HDAC4: variants seen among roughly 807,000 people sequenced by gnomAD.
HDAC4 encodes histone deacetylase 4.
Under a neutral mutation model 135.1 loss-of-function variants are expected in HDAC4, and 16 were observed. The ratio of observed to expected loss-of-function variants is 0.12; its 90% CI spans 0.08 to 0.18. The LOEUF (loss-of-function observed/expected upper bound fraction) is 0.18, where lower values mean the gene tolerates loss of function less well. Among genes scored for constraint, HDAC4 ranks in the 10% least tolerant of loss-of-function variants. The pLI, the probability that HDAC4 is intolerant of heterozygous loss-of-function variation, is 1.00. For missense variants in HDAC4, 1,143 were observed against 1,511.8 expected (o/e 0.76, Z 4.05); for synonymous variants, 685 against 653.4 (o/e 1.05, Z -0.74).
chr2:239,396,397 ATTAAC>A (rs1696565695), intron 1 of HDAC4, among the ~76,000 whole-genome samples: 1 of 152,198 alleles, frequency 6.6e-6, no homozygotes, highest in African/African-American at 2.4e-5. Context: ...ATTTCCATAC[ATTAAC>A]TTAAACTTTG....
chr2:239,299,725 G>A lies in HDAC4; in HGVS notation c.22+52953C>T, dbSNP rs77598126. 0.015 allele frequency among the ~76,000 whole-genome samples: 2,323 copies of A among 152,312 alleles called. 38 individuals are homozygous for A. Among genetic ancestry groups the A allele is most frequent in the East Asian group, 0.078 (405 of 5,178 alleles). On this transcript the variant is annotated intron_variant, in intron 2 of 26. Coordinates refer to ENST00000543185, the MANE Select transcript of HDAC4 (RefSeq NM_001378414.1). The surrounding 1 kb of genome is among the most constrained non-coding windows in gnomAD (Gnocchi z 4.0). ...CACCTGCACTGGTGGCCTCCCAGCAGCTCTCATAGACCCTGGACCCAGCAC... is the reference window on the plus strand; with the variant it reads ...CACCTGCACTGGTGGCCTCCCAGCAACTCTCATAGACCCTGGACCCAGCAC...
chr2:239,250,013 G>A (rs1032227243), intron 2 of HDAC4, among the ~76,000 whole-genome samples: 1 of 152,126 alleles, frequency 6.6e-6, no homozygotes, highest in African/African-American at 2.4e-5. Context: ...TCTGGAAGGA[G>A]GCCGTGCACA....
intron 4 of HDAC4, among the ~76,000 whole-genome samples, chr2:239,176,989 AT>A (rs2043817172): frequency 6.6e-6 from 1 of 152,144 alleles, no homozygotes; most frequent in Admixed American, 6.5e-5. Context: ...CTAGCTATTT[AT>A]CCGAAACACG....
Position 239,081,254 on chromosome 2 carries a change from C to T in HDAC4, c.2653-62G>A, listed in dbSNP as rs997887256. The T allele has an allele frequency of 3.1e-5, 43 of 1,408,666 alleles. No individual in the cohort carries two copies. The East Asian group carries it at 6.8e-4, about 22-fold the overall frequency. 87.3% of individuals were successfully genotyped at this position (1,408,666 alleles called of 1,614,324 possible). A position where few individuals can be genotyped will look rare whatever the true frequency, so the allele number is the denominator to read the frequency against. ...CCGAGCGGGACCTGTCTGACAGGAA[C>T]GCCTGATGCAGGTGGCACCGGGATG... On this transcript the variant is annotated intron_variant, in intron 21 of 26. Transcript: ENST00000543185.
intron 2 of HDAC4, among the ~76,000 whole-genome samples, chr2:239,279,853 C>CCGG (rs998555733): frequency 6.6e-6 from 1 of 152,240 alleles, no homozygotes; most frequent in Non-Finnish European, 1.5e-5. Flanking sequence ...GGCTTCTCCA[C>CCGG]GCCTTCCCCA....
At chr2:239,079,814 A>G (rs904149940) in intron 22 of HDAC4, among the ~76,000 whole-genome samples, 1 of 151,088 alleles carries the variant, frequency 6.6e-6, no homozygotes, top group African/African-American at 2.4e-5. Context: ...GTGTGTACTC[A>G]TATACAGATG....
rs188133538 is a variant in HDAC4, at chr2:239,321,190, G to A, written c.22+31488C>T. Reference sequence around the variant, plus strand: ...CTTCATAAGATTAGCTTGCAGCCAGGCGCAGTGGCTCACGCCTGTAATCCC... The same window carrying A: ...CTTCATAAGATTAGCTTGCAGCCAGACGCAGTGGCTCACGCCTGTAATCCC... On this transcript the variant is annotated intron_variant, in intron 2 of 26. Coordinates refer to ENST00000543185, the MANE Select transcript of HDAC4 (RefSeq NM_001378414.1). Among the ~76,000 whole-genome samples the A allele has an allele frequency of 9.8e-5, 15 of 152,290 alleles. No individual in the cohort carries two copies. In the East Asian group the frequency reaches 2.9e-3, roughly 29 times the overall value.
At chr2:239,186,374 A>G (rs2044550691) in intron 4 of HDAC4, 1 of 152,266 alleles carries the variant, frequency 6.6e-6, no homozygotes, top group Non-Finnish European at 1.5e-5. Flanking sequence ...AATGTCACTA[A>G]CAAACAATAT....
rs2290090 is a variant in HDAC4 at position 239,164,185 on chromosome 2, A to G, written c.491-262T>C. Among the ~76,000 whole-genome samples, 28,827 of 152,274 alleles carry G rather than the reference A, an allele frequency of 0.19. 3,173 individuals carry two copies. The highest frequency in any genetic ancestry group is 0.37 in the East Asian group (1,929 of 5,166). On this transcript the variant is annotated intron_variant, in intron 5 of 26. Coordinates refer to ENST00000543185, the MANE Select transcript of HDAC4 (RefSeq NM_001378414.1). ...TCCGAAAGACTTATTGTTAGCTAAC[A>G]CAAAACCCACTTCTGAAGGAAGTTT...
At chr2:239,149,518 C>T (rs1052688114) in intron 7 of HDAC4, among the ~76,000 whole-genome samples, 4 of 152,102 alleles carry the variant, frequency 2.6e-5, no homozygotes, top group South Asian at 4.1e-4. Context: ...AGACGATGCC[C>T]CACAGAAGAA....
At position 239,062,215 on chromosome 2, in the gene HDAC4, C is replaced by T. The variant is rs144020401; in HGVS notation, c.3003+4507G>A. ...AACAGCACAGGCCTCCAGACCTACG[C>T]GCTGAAGACAGAGGGGTCGCTCTGA... On this transcript the variant is annotated intron_variant, in intron 24 of 26. Coordinates refer to ENST00000543185, the MANE Select transcript of HDAC4 (RefSeq NM_001378414.1). Among the ~76,000 whole-genome samples, 355 of 152,392 alleles carry T rather than the reference C, an allele frequency of 2.3e-3. 3 individuals are homozygous for T. Among genetic ancestry groups the T allele is most frequent in the African/African-American group, 8.1e-3 (337 of 41,596 alleles).
chr2:239,358,026 C>T (rs1693621991), intron 1 of HDAC4, among the ~76,000 whole-genome samples: 1 of 151,908 alleles, frequency 6.6e-6, no homozygotes, highest in African/African-American at 2.4e-5. Context: ...TAAACAAGTG[C>T]CTTGAAAAGC....
At chr2:239,185,023 C>T (rs2044446860) in intron 4 of HDAC4, among the ~76,000 whole-genome samples, 1 of 65,310 alleles carries the variant, frequency 1.5e-5, no homozygotes, top group Non-Finnish European at 3.3e-5. Flanking sequence ...CCCTGGAGGG[C>T]TGTGCCCTAT....
In HDAC4 at chr2:239,220,421, A is replaced by G. The variant is rs535256765; in HGVS notation, c.94+16172T>C. ...AAATAACTAGAAAATTAAAGCATAC[A>G]CTGTGCACTGAAAAAGAGGAAGAAG... On this transcript the variant is annotated intron_variant, in intron 3 of 26. Coordinates refer to ENST00000543185, the MANE Select transcript of HDAC4 (RefSeq NM_001378414.1). Among the ~76,000 whole-genome samples, 4 of 152,340 alleles carry G rather than the reference A, an allele frequency of 2.6e-5. No homozygotes were observed. In the South Asian group the frequency reaches 6.2e-4, roughly 24 times the overall value.
At chr2:239,343,949 G>A (rs762450837) in intron 2 of HDAC4, among the ~76,000 whole-genome samples, 1 of 152,188 alleles carries the variant, frequency 6.6e-6, no homozygotes, top group Non-Finnish European at 1.5e-5. Flanking sequence ...AAGCACAAAT[G>A]GAGTAGCAGC....
chr2:239,237,713 A>G (rs1048496800), intron 2 of HDAC4, among the ~76,000 whole-genome samples: 1 of 152,160 alleles, frequency 6.6e-6, no homozygotes, highest in African/African-American at 2.4e-5. Flanking sequence ...ATGCTCTTGA[A>G]GTTAGAACTG....
chr2:239,160,729 C>T (rs1056579164), intron 6 of HDAC4, among the ~76,000 whole-genome samples: 3 of 152,270 alleles, frequency 2.0e-5, no homozygotes, highest in South Asian at 4.1e-4. Context: ...GCGGCCGTTC[C>T]CCTGTTGATA....
At chr2:239,290,526 G>C (rs1277238675) in intron 2 of HDAC4, among the ~76,000 whole-genome samples, 1 of 152,188 alleles carries the variant, frequency 6.6e-6, no homozygotes, top group African/African-American at 2.4e-5. Context: ...GGGATTTAGA[G>C]TGTCAATCTT....
At chr2:239,347,917 T>C (rs1692828255) in intron 2 of HDAC4, among the ~76,000 whole-genome samples, 1 of 151,734 alleles carries the variant, frequency 6.6e-6, no homozygotes, top group East Asian at 1.9e-4. Context: ...ACCAGCTTCC[T>C]ATCGAGAGCA....
Sources: allele counts gnomAD v4.1 joint callset (sites outside exome capture counted in the v4.1 genomes callset), GRCh38; gene constraint gnomAD v4.1.1; non-coding constraint Gnocchi (gnomAD v3.1); transcripts MANE v1.5; gene names NCBI Gene and HGNC (gene_info 2026-07-23, HGNC 2026-07-21).